Variants in NIPBL observed in about 807,000 individuals in gnomAD.
The protein encoded by NIPBL is nipped-B-like protein.
NIPBL carries 19 observed loss-of-function variants against 321.8 expected under a neutral mutation model. The ratio of observed to expected loss-of-function variants is 0.06; its 90% CI spans 0.04 to 0.09. The LOEUF is 0.09. Among genes scored for constraint, NIPBL ranks in the 10% least tolerant of loss-of-function variants. NIPBL has a pLI of 1.00. For missense variants in NIPBL, 2,210 were observed against 3,327.0 expected, an observed-to-expected ratio of 0.66 and a Z score of 8.26; for synonymous variants, 1,106 against 1,114.1, an observed-to-expected ratio of 0.99 and a Z score of 0.14.
intron 1 of NIPBL, among the ~76,000 whole-genome samples, chr5:36,944,111 G>C (rs775650739): frequency 6.6e-6 from 1 of 152,100 alleles, no homozygotes; most frequent in Non-Finnish European, 1.5e-5. Context: ...TAGGGGTCAA[G>C]ATAAATGGTG....
At chr5:36,931,316 C>T (rs1003208133) in intron 1 of NIPBL, among the ~76,000 whole-genome samples, 3 of 150,994 alleles carry the variant, frequency 2.0e-5, no homozygotes, top group African/African-American at 7.3e-5. Context: ...CCTTTTAATT[C>T]TTTCTTTTTT....
intron 1 of NIPBL, among the ~76,000 whole-genome samples, chr5:36,942,804 A>G (rs528502959): frequency 4.3e-4 from 65 of 151,408 alleles, no homozygotes; most frequent in African/African-American, 1.3e-3. Flanking sequence ...CATTAGTTAT[A>G]TTATTTAGTG....
intron 42 of NIPBL, among the ~76,000 whole-genome samples, chr5:37,053,211 T>C (rs1172123866): frequency 6.6e-6 from 1 of 152,200 alleles, no homozygotes. Flanking sequence ...GGCTATATTG[T>C]TCCTGGGCTA....
At chr5:36,895,693 AT>A (rs922936747) in intron 1 of NIPBL, among the ~76,000 whole-genome samples, 1 of 151,986 alleles carries the variant, frequency 6.6e-6, no homozygotes, top group Non-Finnish European at 1.5e-5. Flanking sequence ...TTTGATTTGC[AT>A]TTTCCTAATG....
intron 1 of NIPBL, among the ~76,000 whole-genome samples, chr5:36,924,331 G>A (rs1314675200): frequency 2.0e-5 from 3 of 152,092 alleles, no homozygotes; most frequent in Non-Finnish European, 4.4e-5. Context: ...TTTTATATCA[G>A]TTTAAATAGT....
rs1745125077 is a variant in NIPBL, at chr5:36,877,131, C to T, written c.-127C>T. 1 of 331,460 alleles carries T rather than the reference C, an allele frequency of 3.0e-6. No homozygotes were observed. 20.5% of individuals were successfully genotyped at this position (331,460 alleles called of 1,614,324 possible). A position where few individuals can be genotyped will look rare whatever the true frequency, so the allele number is the denominator to read the frequency against. On this transcript the variant is annotated 5_prime_UTR_variant, in exon 1 of 47. Coordinates refer to ENST00000282516, the MANE Select transcript of NIPBL (RefSeq NM_133433.4). ...TCCCGGCCCGGATTATAGTCTCTCG[C>T]CACAGCGGCCTCGGCCTCCCCTTGG...
rs1554033395 is a variant in NIPBL, at chr5:37,051,805, C to T, written c.6981C>T (p.Gly2327=). 1 of 1,613,174 alleles carries T rather than the reference C, an allele frequency of 6.2e-7. No individual in the cohort carries two copies. The highest frequency in any genetic ancestry group is 1.1e-5 in the South Asian group (1 of 91,024). ...VQCVPYLIAM[G]TDPEPAMRNK... Reference sequence around the variant, plus strand: ...GTGTGCCATATTTAATTGCTATGGGCACAGACCCAGAACCTGCTATGCGGA... The same window carrying T: ...GTGTGCCATATTTAATTGCTATGGGTACAGACCCAGAACCTGCTATGCGGA... The change falls in exon 41 of 47, where the codon GGC becomes GGT. Residue 2327 remains glycine, a synonymous_variant. Coordinates refer to ENST00000282516, the MANE Select transcript of NIPBL (RefSeq NM_133433.4).
In NIPBL at chr5:36,937,867, A is replaced by G. The variant is rs187319667; in HGVS notation, c.-79-15751A>G. Among the ~76,000 whole-genome samples, 38 of 152,232 alleles carry G rather than the reference A, an allele frequency of 2.5e-4. No individual in the cohort carries two copies. In the East Asian group the frequency reaches 5.0e-3, roughly 20 times the overall value. On this transcript the variant is annotated intron_variant, in intron 1 of 46. Transcript: ENST00000282516. ...ATTTTTATTTTCGATATCAAAATGT[A>G]TTGTTTGCCCTGAATCTTTCCCCTG...
intron 1 of NIPBL, among the ~76,000 whole-genome samples, chr5:36,937,865 G>A (rs1738617613): frequency 6.6e-6 from 1 of 152,112 alleles, no homozygotes; most frequent in African/African-American, 2.4e-5. Context: ...ATATCAAAAT[G>A]TATTGTTTGC....
rs1745097407 is a variant in NIPBL at position 36,876,880 on chromosome 5, C to G, written c.-378C>G. The stretch of plus-strand genomic sequence containing the variant: ...TACCGACTCACCCGACACCACCAAG[C>G]CGCAGGGAGGGACGCCCCCGCCGAC... On this transcript the variant is annotated 5_prime_UTR_variant, in exon 1 of 47. Coordinates refer to ENST00000282516, the MANE Select transcript of NIPBL (RefSeq NM_133433.4). 1 of 391,748 alleles carries G rather than the reference C, an allele frequency of 2.6e-6. No homozygotes were observed. The highest frequency in any genetic ancestry group is 2.1e-5 in the African/African-American group (1 of 47,032). The allele number at this position is 391,748 out of a possible 1,614,324, so 24.3% of individuals were successfully genotyped here.
At chr5:36,901,498 T>C (rs1580183509) in intron 1 of NIPBL, among the ~76,000 whole-genome samples, 2 of 134,058 alleles carry the variant, frequency 1.5e-5, no homozygotes, top group African/African-American at 6.1e-5. Flanking sequence ...TCCTTCTAAG[T>C]CCTTTTTTTT....
At position 36,944,193 on chromosome 5, in the gene NIPBL, G is replaced by A. The variant is rs1036852363; in HGVS notation, c.-79-9425G>A. On this transcript the variant is annotated intron_variant, in intron 1 of 46. Transcript: ENST00000282516. ...GCATATATATGTTTTATGCTGATTG[G>A]AATTATTCAATATGTGGAAAAATTG... is the stretch of plus-strand genomic sequence containing the variant. 4.4e-4 allele frequency among the ~76,000 whole-genome samples: 67 copies of A among 152,134 alleles called. 1 individual carries two copies. The highest frequency in any genetic ancestry group is 4.1e-3 in the Admixed American group (62 of 15,270).
chr5:37,038,796 T>G (rs1751998746), intron 34 of NIPBL, 58 bp downstream of exon 34: 3 of 1,568,218 alleles, frequency 1.9e-6, no homozygotes, highest in Non-Finnish European at 1.7e-6. Context: ...TGCTTTAAAT[T>G]TAGAGTTCAC....
chr5:36,912,307 C>T (rs1188005221), intron 1 of NIPBL, among the ~76,000 whole-genome samples: 1 of 152,026 alleles, frequency 6.6e-6, no homozygotes, highest in Non-Finnish European at 1.5e-5. Context: ...GGGAGAATAG[C>T]AGTAACTTTA....
intron 1 of NIPBL, among the ~76,000 whole-genome samples, chr5:36,913,403 T>A (rs867408983): frequency 9.2e-4 from 137 of 148,118 alleles, no homozygotes; most frequent in Middle Eastern, 3.5e-3. Flanking sequence ...TTTTTTTTTT[T>A]AAAAAGACAG....
intron 9 of NIPBL, among the ~76,000 whole-genome samples, chr5:36,979,609 CT>C: frequency 6.6e-6 from 1 of 151,550 alleles, no homozygotes; most frequent in Non-Finnish European, 1.5e-5. Context: ...CTGGGTAGGA[CT>C]TCTGGAATTT....
Position 37,048,738 on chromosome 5 carries a change from TTAATC to T in NIPBL, c.6763+67_6763+71del, listed in dbSNP as rs577772456. 1.0e-4 allele frequency: 129 copies of T among 1,262,680 alleles called. No individual in the cohort carries two copies. In the African/African-American group the frequency reaches 1.3e-3, roughly 12 times the overall value. The allele number at this position is 1,262,680 out of a possible 1,614,324, so 78.2% of individuals were successfully genotyped here. A position where few individuals can be genotyped will look rare whatever the true frequency, so the allele number is the denominator to read the frequency against. On this transcript the variant is annotated intron_variant, in intron 39 of 46. Transcript: ENST00000282516. Reference sequence around the variant, plus strand: ...TTATATTATAATGGCTTTATCTTCTTTAATCTAAATATCTAAATTTCCTTATTTGT... The same window carrying T: ...TTATATTATAATGGCTTTATCTTCTTTAAATATCTAAATTTCCTTATTTGT...
chr5:37,042,416 C>T (rs1199931045), intron 34 of NIPBL, among the ~76,000 whole-genome samples: 2 of 151,794 alleles, frequency 1.3e-5, no homozygotes, highest in East Asian at 3.9e-4. Flanking sequence ...GCCTGGGTGA[C>T]AGAACGAGGC....
At chr5:37,023,187 A>C (rs1749848851) in intron 29 of NIPBL, among the ~76,000 whole-genome samples, 2 of 152,338 alleles carry the variant, frequency 1.3e-5, no homozygotes, top group Middle Eastern at 6.8e-3. Context: ...TTGGTTGAGA[A>C]ACAAATAATT....
Sources: gnomAD v4.1 joint callset for allele counts (sites outside exome capture counted in the v4.1 genomes callset) on GRCh38, gnomAD v4.1.1 for gene constraint, MANE v1.5 for transcripts, NCBI Gene and HGNC (gene_info 2026-07-23, HGNC 2026-07-21) for gene names.